The following DAP variants were observed in gnomAD, a reference collection of about 807,000 sequenced individuals.
DAP encodes death-associated protein 1.
A neutral mutation model predicts 13.8 loss-of-function variants in DAP; 8 were observed. The ratio of observed to expected loss-of-function variants is 0.58; its 90% CI spans 0.34 to 1.05. The LOEUF (loss-of-function observed/expected upper bound fraction) is 1.05, where lower values mean the gene tolerates loss of function less well. DAP is among the 50% of genes least tolerant of loss of function. The probability of loss-of-function intolerance (pLI) is 0.03; values close to 1 mark genes in which losing one functional copy is unlikely to be tolerated. For synonymous variants in DAP, 47 were observed against 47.5 expected, an observed-to-expected ratio of 0.99 and a Z score of 0.04; for missense variants, 106 against 133.2, an observed-to-expected ratio of 0.80 and a Z score of 1.01.
chr5:10,746,470 C>T (rs1579819839), intron 2 of DAP, among the ~76,000 whole-genome samples: 1 of 152,086 alleles, frequency 6.6e-6, no homozygotes. Context: ...GCTGGGATTA[C>T]AGGCACATGC....
At chr5:10,729,177 C>T (rs1207217833) in intron 2 of DAP, among the ~76,000 whole-genome samples, 1 of 152,230 alleles carries the variant, frequency 6.6e-6, no homozygotes, top group Non-Finnish European at 1.5e-5. Flanking sequence ...CCACTTTCCA[C>T]TGAAGCCAGG....
At chr5:10,739,293 G>A (rs1731204777) in intron 2 of DAP, among the ~76,000 whole-genome samples, 2 of 149,930 alleles carry the variant, frequency 1.3e-5, no homozygotes, top group Non-Finnish European at 1.5e-5. Context: ...ATGGTGAGGG[G>A]TAGATGGGAT....
intron 2 of DAP, among the ~76,000 whole-genome samples, chr5:10,686,895 G>A (rs779410540): frequency 6.6e-6 from 1 of 152,234 alleles, no homozygotes; most frequent in Non-Finnish European, 1.5e-5. Context: ...GACTTACACA[G>A]CTAGAGAGGG....
intron 2 of DAP, among the ~76,000 whole-genome samples, chr5:10,719,228 G>C (rs1414663440): frequency 6.6e-6 from 1 of 152,196 alleles, no homozygotes; most frequent in African/African-American, 2.4e-5. Flanking sequence ...TCCTCATTTT[G>C]ATGTGTTACT....
At chr5:10,744,884 C>T (rs1432167195) in intron 2 of DAP, among the ~76,000 whole-genome samples, 1 of 152,168 alleles carries the variant, frequency 6.6e-6, no homozygotes, top group Non-Finnish European at 1.5e-5. Context: ...GGAATGCTGG[C>T]ACTGCCACTT....
intron 2 of DAP, among the ~76,000 whole-genome samples, chr5:10,708,740 C>T (rs1738767636): frequency 6.6e-6 from 1 of 152,218 alleles, no homozygotes; most frequent in Non-Finnish European, 1.5e-5. Context: ...TCCTACACTG[C>T]AGGCCCATAT....
chr5:10,689,682 T>C (rs1738253800), intron 2 of DAP, among the ~76,000 whole-genome samples: 4 of 152,236 alleles, frequency 2.6e-5, no homozygotes, highest in Non-Finnish European at 5.9e-5. Context: ...AGCCAGGGAC[T>C]GGTGTCCTTT....
chr5:10,722,585 T>C (rs62338818), intron 2 of DAP, among the ~76,000 whole-genome samples: 4 of 128,662 alleles, frequency 3.1e-5, no homozygotes, highest in Non-Finnish European at 6.8e-5. Flanking sequence ...TACATATATA[T>C]ACATATATAC....
At chr5:10,741,795 G>C (rs1473178532) in intron 2 of DAP, among the ~76,000 whole-genome samples, 1 of 152,230 alleles carries the variant, frequency 6.6e-6, no homozygotes, top group Non-Finnish European at 1.5e-5. Flanking sequence ...AGCAGCGAAG[G>C]CTTTTTGTAG....
At chr5:10,693,448 T>C (rs777607487) in intron 2 of DAP, among the ~76,000 whole-genome samples, 4 of 152,220 alleles carry the variant, frequency 2.6e-5, no homozygotes, top group Non-Finnish European at 4.4e-5. Context: ...CTCAGGTTGA[T>C]AAAAGCTACT....
chr5:10,754,458 G>C lies in DAP; in HGVS notation c.56-6187C>G, dbSNP rs573355996. Reference sequence around the variant, plus strand: ...AATCATAGACTGTGAAGGTGAGAAGGCTCTTAAATTACACGGAGCAACCCT... The same window carrying C: ...AATCATAGACTGTGAAGGTGAGAAGCCTCTTAAATTACACGGAGCAACCCT... On this transcript the variant is annotated intron_variant, in intron 1 of 3. Transcript: ENST00000230895. 3.1e-4 allele frequency among the ~76,000 whole-genome samples: 47 copies of C among 152,310 alleles called. 1 individual carries two copies. The South Asian group carries it at 9.1e-3, about 30-fold the overall frequency.
rs139237646 is a variant in DAP, at chr5:10,727,274, G to A, written c.152+20901C>T. On this transcript the variant is annotated intron_variant, in intron 2 of 3. Transcript: ENST00000230895. ...CCTGGCCACTGCCCCGGGGGAGCTT[G>A]TAGTCTGAGAACCACCCACAATGGA... 5.9e-3 allele frequency among the ~76,000 whole-genome samples: 898 copies of A among 152,310 alleles called. 4 individuals carry two copies. Among genetic ancestry groups the A allele is most frequent in the Middle Eastern group, 0.01 (3 of 294 alleles).
At chr5:10,750,228 A>G (rs1201905553) in intron 1 of DAP, among the ~76,000 whole-genome samples, 1 of 152,098 alleles carries the variant, frequency 6.6e-6, no homozygotes, top group Non-Finnish European at 1.5e-5. Context: ...ACCCAGGCCA[A>G]CTTTCTTTAT....
At chr5:10,692,753 C>A (rs1738336539) in intron 2 of DAP, among the ~76,000 whole-genome samples, 1 of 152,200 alleles carries the variant, frequency 6.6e-6, no homozygotes, top group African/African-American at 2.4e-5. Flanking sequence ...CCCTGGGCTA[C>A]AGAGAGCAGG....
intron 2 of DAP, among the ~76,000 whole-genome samples, chr5:10,727,959 C>G (rs772652224): frequency 6.6e-6 from 1 of 152,214 alleles, no homozygotes; most frequent in South Asian, 2.1e-4. Flanking sequence ...GTTTGGGGAA[C>G]AGTGACAAGA....
intron 2 of DAP, among the ~76,000 whole-genome samples, chr5:10,694,152 C>T (rs114691091): frequency 0.022 from 3,338 of 151,914 alleles, 72 homozygotes; most frequent in South Asian, 0.071. Flanking sequence ...AACCATTTAA[C>T]AGATTCGAGG....
chr5:10,755,894 T>C (rs962109427), intron 1 of DAP, among the ~76,000 whole-genome samples: 4 of 151,372 alleles, frequency 2.6e-5, no homozygotes, highest in African/African-American at 7.3e-5. Context: ...ATGCCTGGAG[T>C]CCCAACACTT....
chr5:10,709,266 T>A (rs947096210), intron 2 of DAP, among the ~76,000 whole-genome samples: 1 of 152,254 alleles, frequency 6.6e-6, no homozygotes, highest in Non-Finnish European at 1.5e-5. Flanking sequence ...TCAGGACGTG[T>A]ACATGCATTC....
At chr5:10,704,277 T>C (rs1446005028) in intron 2 of DAP, among the ~76,000 whole-genome samples, 1 of 152,230 alleles carries the variant, frequency 6.6e-6, no homozygotes, top group East Asian at 1.9e-4. Context: ...GCAAAATGTA[T>C]GGATATTACA....
Sources: allele counts gnomAD v4.1 joint callset (sites outside exome capture counted in the v4.1 genomes callset), GRCh38; gene constraint gnomAD v4.1.1; transcripts MANE v1.5; gene names NCBI Gene and HGNC (gene_info 2026-07-23, HGNC 2026-07-21).